The following GJB6 variants were observed in gnomAD, a reference collection of about 807,000 sequenced individuals.
The protein encoded by GJB6 is gap junction protein beta 6.
A neutral mutation model predicts 5.4 loss-of-function variants in GJB6; 5 were observed. The observed-to-expected ratio is 0.92, with a 90% CI of 0.48 to 1.93. GJB6 has a LOEUF of 1.93. GJB6 is among the 30% of genes most tolerant of loss of function. The probability of loss-of-function intolerance (pLI) is 0.01; values close to 1 mark genes in which losing one functional copy is unlikely to be tolerated. For missense variants in GJB6, 298 were observed against 326.9 expected (o/e 0.91, Z 0.68); for synonymous variants, 136 against 129.6 (o/e 1.05, Z -0.34).
At position 20,222,083 on chromosome 13, in the gene GJB6, C is replaced by T. The variant is rs1468698740; in HGVS notation, c.*612G>A. 6.5e-6 allele frequency: 1 copy of T among 153,302 alleles called. No homozygotes were observed. The highest frequency in any genetic ancestry group is 2.4e-5 in the African/African-American group (1 of 41,456). 9.5% of individuals were successfully genotyped at this position (153,302 alleles called of 1,614,324 possible). A position where few individuals can be genotyped will look rare whatever the true frequency, so the allele number is the denominator to read the frequency against. The stretch of plus-strand genomic sequence containing the variant: ...TTCTGCTTCCACACTGTTCCGTCTA[C>T]ATTCAGAAAGCAGTAAAAATATATT... On this transcript the variant is annotated 3_prime_UTR_variant, in exon 5 of 5. Transcript: ENST00000647029.
Position 20,222,912 on chromosome 13 carries a change from A to G in GJB6, c.569T>C (p.Val190Ala), listed in dbSNP as rs780513857. The change falls in exon 5 of 5, where the codon GTG becomes GCG. Residue 190 changes from valine (V) to alanine (A), a missense_variant. Transcript: ENST00000647029. ...CGCAGAAATCATAAAAATGGTAAAC[A>G]CGGTCTTCTCTGTTGGCCTAGAAAT... ...CFISRPTEKT[V>A]FTIFMISASV... 6.2e-7 allele frequency: 1 copy of G among 1,614,140 alleles called. No homozygotes were observed. Among genetic ancestry groups the G allele is most frequent in the Non-Finnish European group, 8.5e-7 (1 of 1,180,010 alleles).
chr13:20,230,246 G>A (rs1312603106), intron 3 of GJB6, among the ~76,000 whole-genome samples: 2 of 152,066 alleles, frequency 1.3e-5, no homozygotes, highest in Non-Finnish European at 2.9e-5. Flanking sequence ...AATGGGTCAG[G>A]GATTCATATA....
chr13:20,222,989 G>A lies in GJB6; in HGVS notation c.492C>T (p.Pro164=). The change falls in exon 5 of 5, where the codon CCC becomes CCT. Residue 164 remains proline, a synonymous_variant. Coordinates refer to ENST00000647029, the MANE Select transcript of GJB6 (RefSeq NM_001110219.3). ...FYFLYNGYHL[P]WVLKCGIDPC... ...GGTCAATCCCACATTTCAACACCCA[G>A]GGCAGGTGGTACCCATTGTAAAGGA... 6.2e-7 allele frequency: 1 copy of A among 1,614,124 alleles called. No individual in the cohort carries two copies. The highest frequency in any genetic ancestry group is 1.6e-4 in the Middle Eastern group (1 of 6,062).
At chr13:20,226,429 C>T (rs1011873252) in intron 4 of GJB6, among the ~76,000 whole-genome samples, 1 of 152,136 alleles carries the variant, frequency 6.6e-6, no homozygotes, top group African/African-American at 2.4e-5. Context: ...CTGGTCCCAG[C>T]GTTCCATAAT....
intron 4 of GJB6, chr13:20,225,487 G>T (rs1869515744): frequency 6.6e-6 from 1 of 152,224 alleles, no homozygotes; most frequent in East Asian, 1.9e-4. Context: ...GTGAGTGAGG[G>T]TATACTACTA....
intron 4 of GJB6, among the ~76,000 whole-genome samples, chr13:20,228,660 A>AT (rs796188895): frequency 1.3e-4 from 19 of 150,016 alleles, no homozygotes; most frequent in Admixed American, 2.6e-4. Context: ...AATTTTTTGT[A>AT]TTTTTAGTAG....
chr13:20,227,484 G>A (rs1372658999), intron 4 of GJB6, among the ~76,000 whole-genome samples: 1 of 152,198 alleles, frequency 6.6e-6, no homozygotes, highest in Non-Finnish European at 1.5e-5. Context: ...AACAGCAGAA[G>A]TGATCCAAGG....
chr13:20,223,729 G>A (rs549718931), intron 4 of GJB6, among the ~76,000 whole-genome samples: 2 of 152,214 alleles, frequency 1.3e-5, no homozygotes, highest in Admixed American at 6.5e-5. Flanking sequence ...ACTTTGGGAG[G>A]CAGAGGCGGG....
At chr13:20,228,728 C>A (rs1256675202) in intron 4 of GJB6, among the ~76,000 whole-genome samples, 1 of 151,464 alleles carries the variant, frequency 6.6e-6, no homozygotes, top group Non-Finnish European at 1.5e-5. Flanking sequence ...TCATGATCCG[C>A]CCCCCTTGGC....
In GJB6 at chr13:20,228,553, G is replaced by T. The variant is rs562847302; in HGVS notation, c.-16+1027C>A. ...AGCTGGAGTACCGTGGCACGATCTC[G>T]GCTCACTGCAAGCTCCGCCTCCCGG... is the stretch of plus-strand genomic sequence containing the variant. On this transcript the variant is annotated intron_variant, in intron 4 of 4. Transcript: ENST00000647029. 4.2e-4 allele frequency among the ~76,000 whole-genome samples: 63 copies of T among 150,926 alleles called. No individual in the cohort carries two copies. In the South Asian group the frequency reaches 5.0e-3, roughly 12 times the overall value.
At chr13:20,228,606 CT>C (rs535715199) in intron 4 of GJB6, among the ~76,000 whole-genome samples, 14,942 of 149,350 alleles carry the variant, frequency 0.1, 818 homozygotes, top group African/African-American at 0.12. Flanking sequence ...GCCTCAGCCT[CT>C]CTGAGCAGCT....
chr13:20,230,170 T>C (rs1869986319), intron 3 of GJB6: 1 of 152,216 alleles, frequency 6.6e-6, no homozygotes, highest in Non-Finnish European at 1.5e-5. Context: ...ACCTGATAGT[T>C]GATTTTTAAA....
chr13:20,223,295 A>G lies in GJB6; in HGVS notation c.186T>C (p.Asn62=), dbSNP rs1382718453. ...VCNTLQPGCK[N]VCYDHFFPVS... ...CCGGGAAAAAGTGGTCATAGCACAC[A>G]TTTTTGCATCCCGGTTGCAGTGTGT... is the stretch of plus-strand genomic sequence containing the variant. Residue 62 remains asparagine (N), a synonymous_variant, in exon 5 of 5, where the codon AAT becomes AAC. Coordinates refer to ENST00000647029, the MANE Select transcript of GJB6 (RefSeq NM_001110219.3). The G allele has an allele frequency of 6.2e-7, 1 of 1,613,926 alleles. No homozygotes were observed. The highest frequency in any genetic ancestry group is 8.5e-7 in the Non-Finnish European group (1 of 1,179,858).
intron 4 of GJB6, among the ~76,000 whole-genome samples, chr13:20,228,485 T>TG: frequency 9.8e-6 from 1 of 102,044 alleles, no homozygotes; most frequent in South Asian, 2.6e-4. Flanking sequence ...TTTTTGTTTT[T>TG]GTTTTTTGTT....
In GJB6 at chr13:20,223,513, G is replaced by T; in HGVS notation, c.-15-18C>A. 1.2e-6 allele frequency: 2 copies of T among 1,601,224 alleles called. No individual in the cohort carries two copies. The highest frequency in any genetic ancestry group is 2.7e-5 in the African/African-American group (2 of 74,776). ...GTTTATCCCTAAACAGACAAAAGTG[G>T]GCAAAGGTTTATTAGTGGAAGAGGC... On this transcript the variant is annotated intron_variant, in intron 4 of 4. Transcript: ENST00000647029.
rs2137330480 is a variant in GJB6, at chr13:20,222,544, A to T, written c.*151T>A. ...GATTACGTTGTGTATGAATGGAGCAAGTATCCTACAAAAAGTTAACTCAAG... is the reference window on the plus strand; with the variant it reads ...GATTACGTTGTGTATGAATGGAGCATGTATCCTACAAAAAGTTAACTCAAG... On this transcript the variant is annotated 3_prime_UTR_variant, in exon 5 of 5. Transcript: ENST00000647029. 1.5e-6 allele frequency: 1 copy of T among 673,932 alleles called. No individual in the cohort carries two copies. The highest frequency in any genetic ancestry group is 2.6e-5 in the East Asian group (1 of 38,490). The allele number at this position is 673,932 out of a possible 1,614,324, so 41.7% of individuals were successfully genotyped here. A position where few individuals can be genotyped will look rare whatever the true frequency, so the allele number is the denominator to read the frequency against.
chr13:20,230,448 C>A (rs1235585935), intron 3 of GJB6, among the ~76,000 whole-genome samples: 2 of 152,274 alleles, frequency 1.3e-5, no homozygotes, highest in East Asian at 3.9e-4. Context: ...TTCAAGCAAA[C>A]CTGTGTCCTT....
intron 4 of GJB6, among the ~76,000 whole-genome samples, chr13:20,228,635 C>A (rs534984360): frequency 6.6e-6 from 1 of 151,110 alleles, no homozygotes; most frequent in Admixed American, 6.6e-5. Context: ...CAGGCGCCTG[C>A]CACCAAGCCC....
chr13:20,228,693 C>T (rs191944879), intron 4 of GJB6, among the ~76,000 whole-genome samples: 4 of 36,156 alleles, frequency 1.1e-4, no homozygotes, highest in South Asian at 6.9e-3. Flanking sequence ...ACCGTGTTAG[C>T]CAGGATGGTC....
Sources: gnomAD v4.1 joint callset for allele counts (sites outside exome capture counted in the v4.1 genomes callset) on GRCh38, gnomAD v4.1.1 for gene constraint, MANE v1.5 for transcripts, NCBI Gene and HGNC (gene_info 2026-07-23, HGNC 2026-07-21) for gene names.